Variants in AGBL4 observed in about 807,000 individuals in gnomAD.
The protein encoded by AGBL4 is cytosolic carboxypeptidase 6.
A neutral mutation model predicts 66.4 loss-of-function variants in AGBL4; 58 were observed. That is an observed-to-expected ratio of 0.87 (90% CI 0.71 to 1.09). The LOEUF is 1.09. AGBL4 is among the 50% of genes least tolerant of loss of function. The pLI is 0.00. For missense variants in AGBL4, 579 were observed against 631.0 expected, an observed-to-expected ratio of 0.92 and a Z score of 0.88; for synonymous variants, 234 against 222.9, an observed-to-expected ratio of 1.05 and a Z score of -0.44.
At chr1:49,091,850 T>C (rs966175843) in intron 4 of AGBL4, among the ~76,000 whole-genome samples, 3 of 152,056 alleles carry the variant, frequency 2.0e-5, no homozygotes, top group Admixed American at 2.0e-4. Flanking sequence ...CACACAGTCA[T>C]AAAAATGAAC....
At chr1:49,952,184 A>C in intron 1 of AGBL4, among the ~76,000 whole-genome samples, 1 of 151,926 alleles carries the variant, frequency 6.6e-6, no homozygotes, top group East Asian at 1.9e-4. Flanking sequence ...ATTTGAAAAA[A>C]AGGTAGAGAG....
intron 6 of AGBL4, chr1:48,742,804 C>T (rs1650124000): frequency 2.7e-6 from 4 of 1,484,788 alleles, no homozygotes; most frequent in Non-Finnish European, 3.6e-6. Flanking sequence ...CTGTCTAGAA[C>T]TCCAAGGAAA....
intron 6 of AGBL4, among the ~76,000 whole-genome samples, chr1:48,709,584 C>CATCATTATTATT (rs1553211513): frequency 3.5e-5 from 5 of 141,898 alleles, no homozygotes; most frequent in Admixed American, 2.8e-4. Context: ...ATTTGCCAGG[C>CATCATTATTATT]ATTATTATTA....
chr1:48,880,130 C>T (rs770451127), intron 5 of AGBL4, among the ~76,000 whole-genome samples: 4 of 152,122 alleles, frequency 2.6e-5, no homozygotes. Flanking sequence ...CACCATTTCC[C>T]CCTGACTCTC....
intron 2 of AGBL4, among the ~76,000 whole-genome samples, chr1:49,720,504 A>G (rs531811573): frequency 2.6e-5 from 4 of 152,260 alleles, no homozygotes; most frequent in South Asian, 2.1e-4. Context: ...CTATTCTGCT[A>G]TTTACTAGCG....
intron 4 of AGBL4, among the ~76,000 whole-genome samples, chr1:49,118,563 G>A (rs543116669): frequency 5.8e-4 from 89 of 152,280 alleles, no homozygotes; most frequent in African/African-American, 2.0e-3. Flanking sequence ...TGATTGTGGT[G>A]GATAAGCTTT....
At chr1:48,944,992 A>C (rs1656376116) in intron 5 of AGBL4, among the ~76,000 whole-genome samples, 1 of 152,210 alleles carries the variant, frequency 6.6e-6, no homozygotes. Flanking sequence ...TGGTGACCTC[A>C]GATGGTGACA....
At chr1:49,974,605 T>C (rs563815290) in intron 1 of AGBL4, among the ~76,000 whole-genome samples, 15 of 152,276 alleles carry the variant, frequency 9.9e-5, no homozygotes, top group African/African-American at 3.6e-4. Context: ...TGATCTAGCA[T>C]TCTATTTTCT....
intron 11 of AGBL4, among the ~76,000 whole-genome samples, chr1:48,551,948 C>T (rs1413489791): frequency 6.6e-6 from 1 of 152,044 alleles, no homozygotes; most frequent in Non-Finnish European, 1.5e-5. Flanking sequence ...GAGATCTGAC[C>T]TCATTTTTAA....
chr1:50,011,521 T>G (rs920295147), intron 1 of AGBL4, among the ~76,000 whole-genome samples: 1 of 152,200 alleles, frequency 6.6e-6, no homozygotes, highest in African/African-American at 2.4e-5. Flanking sequence ...TCCAGCAATC[T>G]CACTGCCGGG....
intron 3 of AGBL4, among the ~76,000 whole-genome samples, chr1:49,563,196 AAGG>A (rs1434443825): frequency 8.2e-6 from 1 of 122,436 alleles, no homozygotes; most frequent in Non-Finnish European, 1.7e-5. Context: ...TTATCAGCTT[AAGG>A]AGATTTTGGG....
intron 1 of AGBL4, among the ~76,000 whole-genome samples, chr1:49,908,530 T>G (rs1180780349): frequency 6.6e-6 from 1 of 152,206 alleles, no homozygotes; most frequent in Non-Finnish European, 1.5e-5. Context: ...CAGAAGCAGA[T>G]GCCAACATTA....
At chr1:49,979,417 C>A (rs374508126) in intron 1 of AGBL4, among the ~76,000 whole-genome samples, 1 of 151,182 alleles carries the variant, frequency 6.6e-6, no homozygotes, top group Non-Finnish European at 1.5e-5. Context: ...GCCGAGATTG[C>A]GCCACTGCAG....
At chr1:48,532,153 T>A (rs972103475), downstream of AGBL4, among the ~76,000 whole-genome samples, 25 of 152,210 alleles carry the variant, frequency 1.6e-4, no homozygotes, top group Non-Finnish European at 2.6e-4. Flanking sequence ...GATTTGCAGA[T>A]ACCTCACTTT....
At chr1:49,052,646 G>A (rs1483373497) in intron 4 of AGBL4, among the ~76,000 whole-genome samples, 1 of 152,098 alleles carries the variant, frequency 6.6e-6, no homozygotes, top group Non-Finnish European at 1.5e-5. Flanking sequence ...AGCTGAAATG[G>A]GTCAGGTTTG....
chr1:49,340,610 C>A (rs564294256), intron 3 of AGBL4, among the ~76,000 whole-genome samples: 2 of 152,270 alleles, frequency 1.3e-5, no homozygotes, highest in South Asian at 4.1e-4. Context: ...ATACCGCCAT[C>A]AAAAATGTAA....
At chr1:49,478,823 C>T (rs1646896463) in intron 3 of AGBL4, among the ~76,000 whole-genome samples, 1 of 151,776 alleles carries the variant, frequency 6.6e-6, no homozygotes, top group South Asian at 2.1e-4. Flanking sequence ...ATAGAAATAA[C>T]AAAAAGTTAA....
chr1:49,667,223 C>T (rs1646388282), intron 3 of AGBL4, among the ~76,000 whole-genome samples: 2 of 152,026 alleles, frequency 1.3e-5, no homozygotes, highest in South Asian at 4.1e-4. Flanking sequence ...CTTTGGAAGG[C>T]CAAGGCAGGT....
intron 3 of AGBL4, among the ~76,000 whole-genome samples, chr1:49,301,383 C>G (rs537471716): frequency 8.5e-5 from 13 of 152,336 alleles, no homozygotes; most frequent in Middle Eastern, 3.4e-3. Context: ...TTGCTAATCA[C>G]TATGTGTGGG....
Sources: gnomAD v4.1 joint callset for allele counts (sites outside exome capture counted in the v4.1 genomes callset) on GRCh38, gnomAD v4.1.1 for gene constraint, MANE v1.5 for transcripts, NCBI Gene and HGNC (gene_info 2026-07-23, HGNC 2026-07-21) for gene names.